DHTKD1: variants seen among roughly 807,000 people sequenced by gnomAD.
DHTKD1 encodes the protein 2-oxoadipate dehydrogenase complex component E1.
In DHTKD1, 78 loss-of-function variants were observed where a neutral mutation model predicts 101.8. The observed-to-expected ratio is 0.77, with a 90% CI of 0.64 to 0.93. DHTKD1 has a LOEUF of 0.93. DHTKD1 is among the 40% of genes least tolerant of loss of function. DHTKD1 has a pLI of 0.00. For synonymous variants in DHTKD1, 462 were observed against 450.3 expected (o/e 1.03, Z -0.33); for missense variants, 1,223 against 1,161.7 (o/e 1.05, Z -0.77).
chr10:12,119,337 G>A (rs188288782), intron 15 of DHTKD1, among the ~76,000 whole-genome samples: 2 of 146,004 alleles, frequency 1.4e-5, no homozygotes, highest in African/African-American at 2.5e-5. Context: ...TGGTACAGGC[G>A]GGGCGCGGTG....
chr10:12,120,261 C>T lies in DHTKD1; in HGVS notation c.2652C>T (p.Ala884=), dbSNP rs755776129. The stretch of plus-strand genomic sequence containing the variant: ...CTCCAAGGTTTGAAAAGCAGCTGGC[C>T]TGCAAGGTAATCACACGTTTTCTCT... The part of the protein sequence containing the change: ...FVSPRFEKQL[A]CKLRLVGRPP... The change falls in exon 16 of 17, where the codon GCC becomes GCT. Residue 884 remains alanine, a synonymous_variant. Transcript: ENST00000263035. The T allele has an allele frequency of 3.1e-6, 5 of 1,613,556 alleles. No homozygotes were observed. In the African/African-American group the frequency reaches 6.7e-5, roughly 22 times the overall value.
At chr10:12,115,100 G>GTTT (rs1833395211) in intron 13 of DHTKD1, among the ~76,000 whole-genome samples, 1 of 151,698 alleles carries the variant, frequency 6.6e-6, no homozygotes, top group African/African-American at 2.4e-5. Flanking sequence ...CGGCCTGTTT[G>GTTT]AACAGTTTCT....
rs900532634 is a variant in DHTKD1, at chr10:12,121,076, C to T, written c.*188C>T. On this transcript the variant is annotated 3_prime_UTR_variant, in exon 17 of 17. Coordinates refer to ENST00000263035, the MANE Select transcript of DHTKD1 (RefSeq NM_018706.7). ...CTCTACTAAAAATACAAAAAATAGC[C>T]GGGTGTGGTGGTGGGCACCTGTGAT... 19 of 454,522 alleles carry T rather than the reference C, an allele frequency of 4.2e-5. No individual in the cohort carries two copies. Among genetic ancestry groups the T allele is most frequent in the Non-Finnish European group, 6.6e-5 (16 of 243,526 alleles). The allele number at this position is 454,522 out of a possible 1,614,324, so 28.2% of individuals were successfully genotyped here. A position where few individuals can be genotyped will look rare whatever the true frequency, so the allele number is the denominator to read the frequency against.
intron 12 of DHTKD1, among the ~76,000 whole-genome samples, chr10:12,112,311 TAACAACAACAA>T (rs1182341289): frequency 4.6e-5 from 7 of 152,128 alleles, no homozygotes; most frequent in African/African-American, 1.4e-4. Context: ...CGAGACTCTG[TAACAACAACAA>T]AAATAATTGT....
intron 10 of DHTKD1, among the ~76,000 whole-genome samples, chr10:12,102,896 A>C (rs1194311641): frequency 6.6e-6 from 1 of 151,684 alleles, no homozygotes; most frequent in Non-Finnish European, 1.5e-5. Context: ...CTGGGATTAC[A>C]GGCGTGAACC....
intron 1 of DHTKD1, among the ~76,000 whole-genome samples, chr10:12,070,267 T>C (rs1832633298): frequency 6.6e-6 from 1 of 152,218 alleles, no homozygotes; most frequent in Non-Finnish European, 1.5e-5. Context: ...TCCAAAATTA[T>C]TGTATCATTA....
intron 5 of DHTKD1, among the ~76,000 whole-genome samples, chr10:12,090,428 T>TTTCCTTCCTTCCTTCCTTCCTTCCTTCC (rs57839020): frequency 5.8e-5 from 7 of 119,860 alleles, no homozygotes; most frequent in African/African-American, 2.5e-4. Flanking sequence ...TTCCTTCCTT[T>TTTCCTTCCTTCCTTCCTTCCTTCCTTCC]TTCCTTCCTT....
At position 12,120,841 on chromosome 10, in the gene DHTKD1, G is replaced by C. The variant is rs1165213103; in HGVS notation, c.2713G>C (p.Val905Leu). ...LPVPAVGIGT[V>L]HLHQHEDILA... ...AGTACCCGCTGTAGGAATTGGCACAGTTCACTTGCACCAGCATGAAGATAT... is the reference window on the plus strand; with the variant it reads ...AGTACCCGCTGTAGGAATTGGCACACTTCACTTGCACCAGCATGAAGATAT... The change falls in exon 17 of 17, where the codon GTT (valine) becomes CTT (leucine). Residue 905 changes from valine (V) to leucine (L), a missense_variant. Coordinates refer to ENST00000263035, the MANE Select transcript of DHTKD1 (RefSeq NM_018706.7). 4 of 1,613,996 alleles carry C rather than the reference G, an allele frequency of 2.5e-6. No individual in the cohort carries two copies. The highest frequency in any genetic ancestry group is 3.4e-6 in the Non-Finnish European group (4 of 1,179,990).
chr10:12,082,478 A>G (rs1181771938), intron 2 of DHTKD1, among the ~76,000 whole-genome samples: 2 of 152,182 alleles, frequency 1.3e-5, no homozygotes, highest in Non-Finnish European at 2.9e-5. Flanking sequence ...TCAGTGAGTC[A>G]TGTTTCAGTC....
At chr10:12,084,317 TTA>T (rs200524443) in intron 2 of DHTKD1, among the ~76,000 whole-genome samples, 238 of 113,072 alleles carry the variant, frequency 2.1e-3, no homozygotes, top group South Asian at 7.7e-3. Flanking sequence ...TTTTTTTTTT[TTA>T]AATTTTTTTT....
In DHTKD1 at chr10:12,075,689, T is replaced by G. The variant is rs185955302; in HGVS notation, c.155-5783T>G. ...CCATCCAGTAATAGGAAGTATTTTA[T>G]GAATAATTCTATTGCTGTGCTCTCA... is the stretch of plus-strand genomic sequence containing the variant. On this transcript the variant is annotated intron_variant, in intron 1 of 16. Transcript: ENST00000263035. 7.2e-4 allele frequency among the ~76,000 whole-genome samples: 109 copies of G among 152,314 alleles called. No homozygotes were observed. In the Middle Eastern group the frequency reaches 0.01, roughly 14 times the overall value.
chr10:12,102,164 G>T (rs889085051), intron 10 of DHTKD1, among the ~76,000 whole-genome samples: 1 of 151,916 alleles, frequency 6.6e-6, no homozygotes, highest in Admixed American at 6.6e-5. Context: ...GGTGGTTCAC[G>T]CCTGTAATCC....
intron 7 of DHTKD1, among the ~76,000 whole-genome samples, chr10:12,095,515 T>C (rs1833052141): frequency 1.3e-5 from 2 of 149,868 alleles, no homozygotes; most frequent in Admixed American, 6.7e-5. Context: ...CCATCTCTAC[T>C]AAAAATAGAA....
intron 14 of DHTKD1, among the ~76,000 whole-genome samples, chr10:12,118,544 G>A (rs1484623033): frequency 1.3e-5 from 2 of 151,870 alleles, no homozygotes; most frequent in Non-Finnish European, 2.9e-5. Flanking sequence ...CAGTACGCCC[G>A]GCTAATTTTT....
rs1335731178 is a variant in DHTKD1 at position 12,097,711 on chromosome 10, T to C, written c.1386T>C (p.Tyr462=). ...IRARKSIPDT[Y]AEHLIAGGLM... is the part of the protein sequence containing the mutation. The stretch of plus-strand genomic sequence containing the variant: ...CTCGAAAGAGCATTCCAGACACATA[T>C]GCAGAGCACCTCATTGCTGGCGGAC... Residue 462 remains tyrosine (Y), a synonymous_variant, in exon 8 of 17, where the codon TAT becomes TAC. Transcript: ENST00000263035. 2.5e-6 allele frequency: 4 copies of C among 1,613,862 alleles called. No homozygotes were observed. Among genetic ancestry groups the C allele is most frequent in the South Asian group, 2.2e-5 (2 of 91,046 alleles).
At chr10:12,113,093 C>T (rs1287887172) in intron 13 of DHTKD1, 29 bp downstream of exon 13, 1 of 1,540,648 alleles carries the variant, frequency 6.5e-7, no homozygotes, top group Non-Finnish European at 8.8e-7. Flanking sequence ...ATAAGCCTTC[C>T]TCCTTTTGTC....
intron 8 of DHTKD1, among the ~76,000 whole-genome samples, chr10:12,098,241 A>T (rs1175854815): frequency 6.6e-6 from 1 of 152,136 alleles, no homozygotes; most frequent in Non-Finnish European, 1.5e-5. Flanking sequence ...ATGTACCTGG[A>T]ATACATGCAC....
rs1393213681 is a variant in DHTKD1, at chr10:12,103,891, C to A, written c.1897-2355C>A. ...ACAATTCAACCTCTCAGTGTGTACA[C>A]TTGAGCAGTTTGTAGTCTATTCACA... On this transcript the variant is annotated intron_variant, in intron 10 of 16. Transcript: ENST00000263035. The surrounding 1 kb of genome is among the most constrained non-coding windows in gnomAD (Gnocchi z 4.8). 6.6e-6 allele frequency among the ~76,000 whole-genome samples: 1 copy of A among 152,112 alleles called. No individual in the cohort carries two copies. The highest frequency in any genetic ancestry group is 1.5e-5 in the Non-Finnish European group (1 of 68,022).
chr10:12,096,981 C>T (rs1833080381), intron 7 of DHTKD1, among the ~76,000 whole-genome samples: 1 of 152,164 alleles, frequency 6.6e-6, no homozygotes, highest in Non-Finnish European at 1.5e-5. Flanking sequence ...TATTTGGATG[C>T]AGACAAAAAC....
Sources: allele counts gnomAD v4.1 joint callset (sites outside exome capture counted in the v4.1 genomes callset), GRCh38; gene constraint gnomAD v4.1.1; non-coding constraint Gnocchi (gnomAD v3.1); transcripts MANE v1.5; gene names NCBI Gene and HGNC (gene_info 2026-07-23, HGNC 2026-07-21).